Variants in GSE1 observed in about 807,000 individuals in gnomAD.
The protein encoded by GSE1 is genetic suppressor element 1.
In GSE1, 32 loss-of-function variants were observed where a neutral mutation model predicts 112.6. That is an observed-to-expected ratio of 0.28 (90% CI 0.21 to 0.38). GSE1 has a LOEUF of 0.38. Ranked by LOEUF, GSE1 falls within the 10% of genes least tolerant of loss-of-function variation. The pLI is 1.00. For synonymous variants in GSE1, 1,115 were observed against 735.6 expected (o/e 1.52, Z -8.35); for missense variants, 2,348 against 1,699.2 (o/e 1.38, Z -6.71).
chr16:85,545,509 C>T (rs1241909105), intron 2 of GSE1, among the ~76,000 whole-genome samples: 1 of 152,248 alleles, frequency 6.6e-6, no homozygotes, highest in South Asian at 2.1e-4. Context: ...GTTGAAAATA[C>T]AGGGCCTGGC....
intron 2 of GSE1, among the ~76,000 whole-genome samples, chr16:85,411,384 A>G (rs2048541945): frequency 4.1e-5 from 1 of 24,420 alleles, no homozygotes. Context: ...CCTCCCGGAT[A>G]ATCCTCACCG....
At chr16:85,534,365 G>A (rs577158838) in intron 2 of GSE1, among the ~76,000 whole-genome samples, 54 of 151,964 alleles carry the variant, frequency 3.6e-4, no homozygotes, top group Admixed American at 1.0e-3. Context: ...CAAGTGATCC[G>A]CCCACCTCGG....
At position 85,666,203 on chromosome 16, in the gene GSE1, G is replaced by A; in HGVS notation, c.2986G>A (p.Ala996Thr). The A allele has an allele frequency of 2.5e-6, 4 of 1,613,642 alleles. No individual in the cohort carries two copies. Among genetic ancestry groups the A allele is most frequent in the East Asian group, 4.5e-5 (2 of 44,882 alleles). Residue 996 changes from alanine (A) to threonine (T), a missense_variant, in exon 13 of 16, where the codon GCA becomes ACA. Physicochemically the swap from Ala to Thr is moderately conservative, Grantham distance 58. Transcript: ENST00000253458. ...CATGCTTCACTATATCCGGGGCGCT[G>A]CACCCAAGGACATTCCTGTGCCGCT... is the stretch of plus-strand genomic sequence containing the variant. ...LSMLHYIRGAAPKDIPVPLSH... is the reference protein window; with the variant it reads ...LSMLHYIRGATPKDIPVPLSH...
intron 1 of GSE1, among the ~76,000 whole-genome samples, chr16:85,625,899 C>G (rs913835534): frequency 6.6e-6 from 1 of 152,290 alleles, no homozygotes; most frequent in Non-Finnish European, 1.5e-5. Context: ...CTACACGGGC[C>G]AGGCGCTGTG....
intron 1 of GSE1, among the ~76,000 whole-genome samples, chr16:85,351,562 G>C (rs1392438931): frequency 6.6e-6 from 1 of 151,760 alleles, no homozygotes; most frequent in Non-Finnish European, 1.5e-5. Context: ...TTTCTTTTGG[G>C]GGTGATGAAA....
chr16:85,415,747 G>A (rs1339999333), intron 2 of GSE1, among the ~76,000 whole-genome samples: 6 of 152,264 alleles, frequency 3.9e-5, no homozygotes, highest in Non-Finnish European at 8.8e-5. Context: ...TGTTCCCCCT[G>A]TCCTGGAGGT....
chr16:85,613,302 C>A (rs1326934932), upstream of GSE1: 3 of 1,541,354 alleles, frequency 1.9e-6, no homozygotes, highest in South Asian at 3.6e-5. Flanking sequence ...CGCCGCCGAG[C>A]AGCCCCGGGT....
At chr16:85,307,616 C>G (rs542979690) in intron 1 of GSE1, among the ~76,000 whole-genome samples, 1 of 112,374 alleles carries the variant, frequency 8.9e-6, no homozygotes, top group East Asian at 2.7e-4. Context: ...TGGCACACAG[C>G]ATTGCCAACC....
At chr16:85,570,784 A>C (rs1382777811) in intron 1 of GSE1, among the ~76,000 whole-genome samples, 1 of 152,064 alleles carries the variant, frequency 6.6e-6, no homozygotes. Flanking sequence ...GCTGAGGGGG[A>C]GGGTGGAAAG....
At chr16:85,342,240 G>A (rs773666781) in intron 1 of GSE1, among the ~76,000 whole-genome samples, 13 of 152,172 alleles carry the variant, frequency 8.5e-5, no homozygotes, top group Non-Finnish European at 1.8e-4. Context: ...GCATCCGGAC[G>A]TGTATTTTTA....
At chr16:85,339,447 C>G (rs1354740599) in intron 1 of GSE1, among the ~76,000 whole-genome samples, 1 of 152,144 alleles carries the variant, frequency 6.6e-6, no homozygotes, top group Non-Finnish European at 1.5e-5. Flanking sequence ...CTAGAAGCTT[C>G]TGCCTTTTAT....
At chr16:85,660,921 C>T (rs1273281945) in intron 8 of GSE1, among the ~76,000 whole-genome samples, 8 of 152,116 alleles carry the variant, frequency 5.3e-5, no homozygotes, top group Non-Finnish European at 8.8e-5. Context: ...TGAGCCACTG[C>T]GCCCGGCCGA....
chr16:85,171,233 C>G, exon 1 of GSE1: 1 of 985,728 alleles, frequency 1.0e-6, no homozygotes, highest in Non-Finnish European at 1.2e-6. Context: ...TACCACCAGG[C>G]CTTCTCCGCC....
At chr16:85,380,515 C>CA in intron 2 of GSE1, among the ~76,000 whole-genome samples, 2 of 151,830 alleles carry the variant, frequency 1.3e-5, no homozygotes, top group Middle Eastern at 3.4e-3. Context: ...GGACACCCCC[C>CA]CTCCACCCGC....
At chr16:85,176,752 G>T (rs2074474714) in intron 1 of GSE1, among the ~76,000 whole-genome samples, 1 of 152,240 alleles carries the variant, frequency 6.6e-6, no homozygotes, top group African/African-American at 2.4e-5. Context: ...AGGTGTTGCT[G>T]CCGCAACCAC....
intron 2 of GSE1, among the ~76,000 whole-genome samples, chr16:85,374,805 T>C (rs1161515628): frequency 6.6e-6 from 1 of 152,156 alleles, no homozygotes; most frequent in African/African-American, 2.4e-5. Flanking sequence ...TTGGGCTGCC[T>C]TCTGCCTCAC....
At chr16:85,183,244 C>T (rs950490586) in intron 1 of GSE1, among the ~76,000 whole-genome samples, 1 of 152,224 alleles carries the variant, frequency 6.6e-6, no homozygotes, top group Non-Finnish European at 1.5e-5. Flanking sequence ...TTCATGCACA[C>T]TCATGCACAC....
At position 85,440,329 on chromosome 16, in the gene GSE1, G is replaced by A. The variant is rs375224845; in HGVS notation, c.2464+82686G>A. ...ACTTGCTCTAGCAAATCACAAGCCT[G>A]GATTGAGGCCTCAGGATTCCTTGTA... On this transcript the variant is annotated intron_variant, in intron 2 of 2. Transcript: ENST00000637419. Among the ~76,000 whole-genome samples the A allele has an allele frequency of 7.9e-5, 12 of 152,206 alleles. No individual in the cohort carries two copies. The South Asian group carries it at 8.3e-4, about 10-fold the overall frequency.
chr16:85,501,638 C>T (rs1483384593), intron 2 of GSE1, among the ~76,000 whole-genome samples: 1 of 152,154 alleles, frequency 6.6e-6, no homozygotes, highest in Non-Finnish European at 1.5e-5. Context: ...CGGCAACCCT[C>T]CCACCTCGGC....
Sources: allele counts gnomAD v4.1 joint callset (sites outside exome capture counted in the v4.1 genomes callset), GRCh38; gene constraint gnomAD v4.1.1; transcripts MANE v1.5; gene names NCBI Gene and HGNC (gene_info 2026-07-23, HGNC 2026-07-21).